Variants in GPC6 observed in about 807,000 individuals in gnomAD.
GPC6 encodes glypican 6, also known as glypican-6.
In GPC6, 14 loss-of-function variants were observed where a neutral mutation model predicts 55.2. That is an observed-to-expected ratio of 0.25 (90% CI 0.17 to 0.40). The LOEUF (loss-of-function observed/expected upper bound fraction) is 0.40. Among genes scored for constraint, GPC6 ranks in the 10% least tolerant of loss-of-function variants. The probability of loss-of-function intolerance (pLI) is 1.00; values close to 1 mark genes in which losing one functional copy is unlikely to be tolerated. For synonymous variants in GPC6, 278 were observed against 259.6 expected (o/e 1.07, Z -0.68); for missense variants, 641 against 708.5 (o/e 0.90, Z 1.08).
intron 1 of GPC6, among the ~76,000 whole-genome samples, chr13:93,511,818 C>G (rs1880989475): frequency 6.6e-6 from 1 of 151,898 alleles, no homozygotes; most frequent in Non-Finnish European, 1.5e-5. Flanking sequence ...GATATTTTGC[C>G]ATTTGTTTGT....
At chr13:93,990,960 AGAAGGAAG>A (rs148428200) in intron 3 of GPC6, among the ~76,000 whole-genome samples, 17 of 150,420 alleles carry the variant, frequency 1.1e-4, no homozygotes, top group South Asian at 4.2e-4. Flanking sequence ...AAGGAAGGAA[AGAAGGAAG>A]GAAGGAAGGA....
intron 4 of GPC6, among the ~76,000 whole-genome samples, chr13:94,069,981 A>C (rs1220759219): frequency 6.6e-6 from 1 of 152,176 alleles, no homozygotes; most frequent in South Asian, 2.1e-4. Context: ...TCTTTTTAGC[A>C]GTGCCCCACT....
chr13:93,851,403 A>C (rs1192843123), intron 3 of GPC6, among the ~76,000 whole-genome samples: 1 of 151,882 alleles, frequency 6.6e-6, no homozygotes, highest in Non-Finnish European at 1.5e-5. Context: ...TGGCATGTGT[A>C]TCCTAAAAAA....
intron 6 of GPC6, among the ~76,000 whole-genome samples, chr13:94,307,215 C>G (rs934971517): frequency 6.6e-6 from 1 of 152,300 alleles, no homozygotes; most frequent in East Asian, 1.9e-4. Context: ...CTAACTGTTA[C>G]ATTTTGTTAT....
In GPC6 at chr13:93,829,275, A is replaced by G. The variant is rs76297149; in HGVS notation, c.320-879A>G. ...ATTTGTGCAAAAGGATAGGTGCCCT[A>G]CACACACAAAGTGTGTCTTGAGGGA... On this transcript the variant is annotated intron_variant, in intron 2 of 8. Coordinates refer to ENST00000377047, the MANE Select transcript of GPC6 (RefSeq NM_005708.5). Among the ~76,000 whole-genome samples the G allele has an allele frequency of 4.1e-3, 620 of 152,316 alleles. 4 individuals carry two copies. Among genetic ancestry groups the G allele is most frequent in the African/African-American group, 0.014 (571 of 41,578 alleles).
chr13:94,310,162 A>G (rs760718939), intron 6 of GPC6, among the ~76,000 whole-genome samples: 8 of 152,226 alleles, frequency 5.3e-5, no homozygotes, highest in Non-Finnish European at 1.2e-4. Flanking sequence ...AACATGTTCT[A>G]CAGCTCACAG....
chr13:93,630,578 C>A (rs966590616), intron 2 of GPC6, among the ~76,000 whole-genome samples: 4 of 152,048 alleles, frequency 2.6e-5, no homozygotes, highest in Non-Finnish European at 5.9e-5. Context: ...AGGAGCCAAT[C>A]CTTCTTGGTA....
chr13:93,404,523 G>C (rs1018097941), intron 1 of GPC6, among the ~76,000 whole-genome samples: 8 of 152,022 alleles, frequency 5.3e-5, no homozygotes, highest in African/African-American at 1.9e-4. Flanking sequence ...ATATAAACAA[G>C]CATCTCAGGA....
At chr13:93,721,372 AC>A (rs1207290445) in intron 2 of GPC6, among the ~76,000 whole-genome samples, 1 of 151,788 alleles carries the variant, frequency 6.6e-6, no homozygotes, top group African/African-American at 2.4e-5. Flanking sequence ...ATTAAAAGGA[AC>A]AACTTTATTT....
At chr13:93,466,705 A>C (rs974544) in intron 1 of GPC6, among the ~76,000 whole-genome samples, 9 of 152,084 alleles carry the variant, frequency 5.9e-5, no homozygotes, top group African/African-American at 1.9e-4. Context: ...GCATTCTAGT[A>C]TATAATTTGG....
intron 1 of GPC6, among the ~76,000 whole-genome samples, chr13:93,383,504 A>G (rs1875272322): frequency 6.6e-6 from 1 of 152,192 alleles, no homozygotes; most frequent in Admixed American, 6.5e-5. Flanking sequence ...GGCGTGACCC[A>G]TTGTGCCCAG....
chr13:93,798,717 G>C (rs75895888), intron 2 of GPC6, among the ~76,000 whole-genome samples: 1 of 151,942 alleles, frequency 6.6e-6, no homozygotes, highest in Admixed American at 6.6e-5. Flanking sequence ...TCAGAAGTTC[G>C]AGATCAGCCT....
chr13:93,316,399 G>C (rs1879250084), intron 1 of GPC6, among the ~76,000 whole-genome samples: 1 of 151,990 alleles, frequency 6.6e-6, no homozygotes, highest in Non-Finnish European at 1.5e-5. Flanking sequence ...AAATGTCTGG[G>C]ACACAAAGAT....
At chr13:94,390,919 A>G (rs1463852199) in intron 7 of GPC6, among the ~76,000 whole-genome samples, 2 of 152,020 alleles carry the variant, frequency 1.3e-5, no homozygotes, top group African/African-American at 4.8e-5. Context: ...GCTGGCTGCA[A>G]ATAGGAAGAA....
At chr13:94,217,886 C>G (rs1037306942) in intron 4 of GPC6, among the ~76,000 whole-genome samples, 1 of 150,784 alleles carries the variant, frequency 6.6e-6, no homozygotes, top group Non-Finnish European at 1.5e-5. Context: ...TACAACTTAC[C>G]TTGAGGTGTT....
chr13:93,319,703 G>A (rs1273177646), intron 1 of GPC6, among the ~76,000 whole-genome samples: 1 of 152,120 alleles, frequency 6.6e-6, no homozygotes, highest in Non-Finnish European at 1.5e-5. Flanking sequence ...AGGACGGAAG[G>A]AAAGGTGCTT....
chr13:94,002,286 C>T (rs896001437), intron 3 of GPC6, among the ~76,000 whole-genome samples: 4 of 151,984 alleles, frequency 2.6e-5, no homozygotes, highest in Admixed American at 2.0e-4. Flanking sequence ...GCTGCCGTGT[C>T]GGTCAATACC....
intron 1 of GPC6, among the ~76,000 whole-genome samples, chr13:93,424,038 C>G (rs1190768368): frequency 6.6e-6 from 1 of 152,144 alleles, no homozygotes; most frequent in Non-Finnish European, 1.5e-5. Context: ...AGCTGTGCCG[C>G]TTCTTTTTTC....
At chr13:93,948,214 G>T (rs977542565) in intron 3 of GPC6, among the ~76,000 whole-genome samples, 1 of 152,238 alleles carries the variant, frequency 6.6e-6, no homozygotes, top group Middle Eastern at 3.4e-3. Flanking sequence ...TGTATTAAAA[G>T]AGCCCCCCAT....
Sources: allele counts gnomAD v4.1 joint callset (sites outside exome capture counted in the v4.1 genomes callset), GRCh38; gene constraint gnomAD v4.1.1; transcripts MANE v1.5; gene names NCBI Gene and HGNC (gene_info 2026-07-23, HGNC 2026-07-21).